Variants in C10orf53 observed in about 807,000 individuals in gnomAD.
C10orf53 encodes chromosome 10 open reading frame 53.
In C10orf53, 8 loss-of-function variants were observed where a neutral mutation model predicts 9.4. That is an observed-to-expected ratio of 0.85 (90% CI 0.50 to 1.53). C10orf53 has a LOEUF of 1.53. C10orf53 is among the 40% of genes most tolerant of loss of function. The probability of loss-of-function intolerance (pLI) is 0.00; values close to 1 mark genes in which losing one functional copy is unlikely to be tolerated. For synonymous variants in C10orf53, 48 were observed against 46.0 expected, an observed-to-expected ratio of 1.04 and a Z score of -0.18; for missense variants, 117 against 117.8, an observed-to-expected ratio of 0.99 and a Z score of 0.03.
At chr10:49,706,606 TTTC>T (rs1218505150) in intron 2 of C10orf53, among the ~76,000 whole-genome samples, 3 of 152,096 alleles carry the variant, frequency 2.0e-5, no homozygotes, top group African/African-American at 7.2e-5. Context: ...GAATAAGGTG[TTTC>T]TTTTTTTTTT....
At chr10:49,683,676 A>G (rs1590638460) in intron 1 of C10orf53, among the ~76,000 whole-genome samples, 3 of 152,170 alleles carry the variant, frequency 2.0e-5, no homozygotes, top group East Asian at 3.8e-4. Context: ...GGAGTTCAAG[A>G]CCAGCCTGGT....
At chr10:49,685,922 T>C (rs1840523973) in intron 1 of C10orf53, among the ~76,000 whole-genome samples, 1 of 152,214 alleles carries the variant, frequency 6.6e-6, no homozygotes, top group African/African-American at 2.4e-5. Flanking sequence ...ATTCTTTCTG[T>C]CCCTTTCTCT....
chr10:49,694,401 T>C, intron 2 of C10orf53, 137 bp from the exon 3 acceptor site: 1 of 1,199,214 alleles, frequency 8.3e-7, no homozygotes, highest in Non-Finnish European at 1.2e-6. Flanking sequence ...CCACTAACAC[T>C]CTATTAAAAA....
chr10:49,690,671 C>T (rs1285409276), intron 1 of C10orf53, among the ~76,000 whole-genome samples: 1 of 152,206 alleles, frequency 6.6e-6, no homozygotes. Flanking sequence ...ACACTTGCCC[C>T]TTGCATGCTC....
At chr10:49,706,659 G>C (rs984114496) in intron 2 of C10orf53, among the ~76,000 whole-genome samples, 1 of 152,086 alleles carries the variant, frequency 6.6e-6, no homozygotes, top group Non-Finnish European at 1.5e-5. Flanking sequence ...GTAGTGATGG[G>C]GTTGTACAAG....
At chr10:49,706,381 C>A (rs1840722427) in intron 2 of C10orf53, among the ~76,000 whole-genome samples, 1 of 152,158 alleles carries the variant, frequency 6.6e-6, no homozygotes, top group Non-Finnish European at 1.5e-5. Flanking sequence ...TCTATCCATA[C>A]AATAGAATAT....
At position 49,696,251 on chromosome 10, in the gene C10orf53, C is replaced by T. The variant is rs1034940003; in HGVS notation, c.*1649C>T. On this transcript the variant is annotated 3_prime_UTR_variant, in exon 3 of 3. Transcript: ENST00000374111. ...TAACATTTTACATAGAGCCTCTTCC[C>T]GCATGATTTGTTGACTGTCTGAGCA... Among the ~76,000 whole-genome samples the T allele has an allele frequency of 1.3e-5, 2 of 152,124 alleles. No individual in the cohort carries two copies. Among genetic ancestry groups the T allele is most frequent in the Non-Finnish European group, 1.5e-5 (1 of 68,036 alleles).
Position 49,697,074 on chromosome 10 carries a change from TC to T in C10orf53, c.*2475del, listed in dbSNP as rs1309603773. On this transcript the variant is annotated 3_prime_UTR_variant, in exon 3 of 3. Transcript: ENST00000374111. ...CAGGCCTGGTGGCATGCACCTGTAG[TC>T]CCAGCTACTTGAGGGGCTGAGGCAG... 6.6e-6 allele frequency among the ~76,000 whole-genome samples: 1 copy of T among 152,052 alleles called. No homozygotes were observed. The highest frequency in any genetic ancestry group is 1.9e-4 in the East Asian group (1 of 5,190).
intron 2 of C10orf53, among the ~76,000 whole-genome samples, chr10:49,703,877 C>A (rs1044358750): frequency 1.3e-5 from 2 of 152,082 alleles, no homozygotes; most frequent in African/African-American, 4.8e-5. Flanking sequence ...ACAATAGTAG[C>A]CAAAAATAGA....
At chr10:49,701,251 C>A (rs1205347159), downstream of C10orf53, among the ~76,000 whole-genome samples, 2 of 152,096 alleles carry the variant, frequency 1.3e-5, no homozygotes, top group African/African-American at 4.8e-5. Context: ...CTCGTTCAAT[C>A]TGCAGACACT....
chr10:49,688,713 TC>T (rs1213457168), intron 1 of C10orf53, among the ~76,000 whole-genome samples: 7 of 149,914 alleles, frequency 4.7e-5, no homozygotes, highest in Non-Finnish European at 1.0e-4. Context: ...CCTTCAATGA[TC>T]CTAGCCAGCT....
rs778189010 is a variant in C10orf53 at position 49,685,668 on chromosome 10, C to T, written c.97+5874C>T. Among the ~76,000 whole-genome samples the T allele has an allele frequency of 3.1e-4, 47 of 152,150 alleles. 1 individual carries two copies. The highest frequency in any genetic ancestry group is 2.0e-4 in the Admixed American group (3 of 15,268). On this transcript the variant is annotated intron_variant, in intron 1 of 2. Coordinates refer to ENST00000374111, the MANE Select transcript of C10orf53 (RefSeq NM_001042427.3). ...TGCACTTTAAATATGTATCCCACTGCCTTCTGGCCTCCATGGATTCTGATG... is the reference window on the plus strand; with the variant it reads ...TGCACTTTAAATATGTATCCCACTGTCTTCTGGCCTCCATGGATTCTGATG...
At chr10:49,701,003 G>GATAT (rs55716950), downstream of C10orf53, among the ~76,000 whole-genome samples, 19 of 151,448 alleles carry the variant, frequency 1.3e-4, no homozygotes, top group East Asian at 5.9e-4. Context: ...CCACATTTAG[G>GATAT]ATATATATAT....
At chr10:49,689,491 C>T (rs530482620) in intron 1 of C10orf53, among the ~76,000 whole-genome samples, 1 of 152,236 alleles carries the variant, frequency 6.6e-6, no homozygotes, top group East Asian at 1.9e-4. Flanking sequence ...ACTGTAGAAT[C>T]CAGCTGTTCC....
At chr10:49,682,263 G>A (rs1263267700) in intron 1 of C10orf53, among the ~76,000 whole-genome samples, 1 of 152,070 alleles carries the variant, frequency 6.6e-6, no homozygotes, top group Non-Finnish European at 1.5e-5. Flanking sequence ...CTATCCCTCT[G>A]TGTCCAGAAT....
intron 1 of C10orf53, among the ~76,000 whole-genome samples, chr10:49,684,821 T>G (rs1840512218): frequency 6.6e-6 from 1 of 152,210 alleles, no homozygotes; most frequent in South Asian, 2.1e-4. Flanking sequence ...TCTTCTTCCT[T>G]TCCAATTTAG....
intron 2 of C10orf53, among the ~76,000 whole-genome samples, chr10:49,705,861 A>G (rs1840719137): frequency 6.6e-6 from 1 of 152,212 alleles, no homozygotes; most frequent in Non-Finnish European, 1.5e-5. Flanking sequence ...GTTTTTAAAA[A>G]TCATATATCT....
exon 3 of C10orf53, chr10:49,709,947 G>C (rs192909801): frequency 0.066 from 5,858 of 88,794 alleles, 174 homozygotes; most frequent in African/African-American, 0.12. Context: ...CCCTATATCT[G>C]TGTGTGTGTG....
chr10:49,686,529 G>T lies in C10orf53; in HGVS notation c.97+6735G>T, dbSNP rs533936558. 2.6e-5 allele frequency among the ~76,000 whole-genome samples: 4 copies of T among 152,284 alleles called. No homozygotes were observed. The East Asian group carries it at 7.7e-4, about 29-fold the overall frequency. ...CCTGTAGACAGACGTGTGAGTAGGA[G>T]AAATATCGCTGAATTCTTTTCCCAG... is the stretch of plus-strand genomic sequence containing the variant. On this transcript the variant is annotated intron_variant, in intron 1 of 2. Transcript: ENST00000374111.
Sources: allele counts gnomAD v4.1 joint callset (sites outside exome capture counted in the v4.1 genomes callset), GRCh38; gene constraint gnomAD v4.1.1; transcripts MANE v1.5; gene names NCBI Gene and HGNC (gene_info 2026-07-23, HGNC 2026-07-21).